FAM193A: variants seen among roughly 807,000 people sequenced by gnomAD.
FAM193A encodes the protein family with sequence similarity 193 member A, also known as protein FAM193A.
A neutral mutation model predicts 126.5 loss-of-function variants in FAM193A; 22 were observed. The observed-to-expected ratio is 0.17, with a 90% confidence interval of 0.12 to 0.25. The LOEUF is 0.25. FAM193A is among the 10% of genes least tolerant of loss of function. The pLI is 1.00. For synonymous variants in FAM193A, 761 were observed against 646.8 expected, an observed-to-expected ratio of 1.18 and a Z score of -2.68; for missense variants, 1,675 against 1,672.8, an observed-to-expected ratio of 1.00 and a Z score of -0.02.
In FAM193A at chr4:2,660,062, G is replaced by A. The variant is rs754056839; in HGVS notation, c.1745+8G>A. 6.2e-6 allele frequency: 10 copies of A among 1,612,514 alleles called. No individual in the cohort carries two copies. Among genetic ancestry groups the A allele is most frequent in the Non-Finnish European group, 8.5e-6 (10 of 1,178,748 alleles). ...TGGCTCGGCACCAACTTTGTAAGTT[G>A]TGACTTTGTAATAAAGTTTCCGAAA... On this transcript the variant is annotated splice_region_variant and intron_variant, in intron 10 of 20. Coordinates refer to ENST00000637812, the MANE Select transcript of FAM193A (RefSeq NM_001366318.2).
rs184572256 is a variant in FAM193A at position 2,673,795 on chromosome 4, A to C, written c.2331+1423A>C. On this transcript the variant is annotated intron_variant, in intron 13 of 20. Transcript: ENST00000637812. The stretch of plus-strand genomic sequence containing the variant: ...AGCTATTCAAGAATTAGTTCCGAAA[A>C]ATAAGTAAGATAGTAAAATTGATTA... Among the ~76,000 whole-genome samples the C allele has an allele frequency of 1.9e-4, 29 of 152,318 alleles. No homozygotes were observed. In the East Asian group the frequency reaches 5.6e-3, roughly 29 times the overall value.
intron 1 of FAM193A, among the ~76,000 whole-genome samples, chr4:2,565,383 C>T (rs1410543504): frequency 1.3e-5 from 2 of 150,746 alleles, no homozygotes; most frequent in South Asian, 2.1e-4. Context: ...CTTCAGCCTC[C>T]GGAGTAGCTG....
At chr4:2,629,097 G>T (rs1332537310) in intron 4 of FAM193A, among the ~76,000 whole-genome samples, 3 of 151,822 alleles carry the variant, frequency 2.0e-5, no homozygotes, top group African/African-American at 7.3e-5. Context: ...AAAGTGCTGG[G>T]ATTATAGGCG....
chr4:2,653,322 T>C (rs1280649932), intron 7 of FAM193A, among the ~76,000 whole-genome samples: 1 of 152,366 alleles, frequency 6.6e-6, no homozygotes, highest in South Asian at 2.1e-4. Flanking sequence ...ACATGTTCTC[T>C]CTAGGGAGAA....
intron 7 of FAM193A, among the ~76,000 whole-genome samples, chr4:2,656,207 C>T (rs1056097615): frequency 2.0e-5 from 3 of 152,086 alleles, no homozygotes; most frequent in Non-Finnish European, 4.4e-5. Flanking sequence ...TGTGTTTTTG[C>T]AATTTTCAGG....
At chr4:2,673,868 CG>C (rs1054633088) in intron 13 of FAM193A, among the ~76,000 whole-genome samples, 1 of 152,094 alleles carries the variant, frequency 6.6e-6, no homozygotes, top group African/African-American at 2.4e-5. Context: ...ATTATTTTCC[CG>C]GGCTTTTGGC....
At chr4:2,597,949 G>C (rs1577056537) in intron 2 of FAM193A, among the ~76,000 whole-genome samples, 1 of 151,872 alleles carries the variant, frequency 6.6e-6, no homozygotes, top group Non-Finnish European at 1.5e-5. Context: ...CTGTCACCCA[G>C]GCTGGAGTGC....
In FAM193A at chr4:2,700,969, TAC is replaced by T. The variant is rs575265450; in HGVS notation, c.4372+427_4372+428del. Among the ~76,000 whole-genome samples, 443 of 150,634 alleles carry T rather than the reference TAC, an allele frequency of 2.9e-3. 3 individuals carry two copies. Among genetic ancestry groups the T allele is most frequent in the African/African-American group, 8.6e-3 (348 of 40,510 alleles). ...GACAGAGAGACTCCATCTCAAAAAA[TAC>T]ATATAGAGAGAGAGAGGATTTCTAC... On this transcript the variant is annotated intron_variant, in intron 19 of 20. Transcript: ENST00000637812.
chr4:2,616,658 C>T (rs988338764), intron 2 of FAM193A, among the ~76,000 whole-genome samples: 1 of 151,808 alleles, frequency 6.6e-6, no homozygotes, highest in Non-Finnish European at 1.5e-5. Flanking sequence ...CTTCCAGGTT[C>T]ACGCCATTCT....
intron 1 of FAM193A, among the ~76,000 whole-genome samples, chr4:2,589,162 C>T (rs1450300607): frequency 2.6e-5 from 4 of 152,146 alleles, no homozygotes; most frequent in Non-Finnish European, 4.4e-5. Context: ...ACTTAAAACA[C>T]GGCAACTACA....
intron 19 of FAM193A, among the ~76,000 whole-genome samples, chr4:2,700,759 G>A (rs1577233017): frequency 6.6e-6 from 1 of 152,062 alleles, no homozygotes; most frequent in South Asian, 2.1e-4. Context: ...TTAAGAGTTC[G>A]AGACCAGCTT....
At chr4:2,696,149 A>C in intron 17 of FAM193A, 1 of 489,032 alleles carries the variant, frequency 2.0e-6, no homozygotes, top group South Asian at 2.7e-5. Flanking sequence ...TTTTTCATGA[A>C]TATGTAAAAT....
chr4:2,576,516 T>C (rs1182247485), intron 1 of FAM193A, among the ~76,000 whole-genome samples: 1 of 152,180 alleles, frequency 6.6e-6, no homozygotes, highest in East Asian at 1.9e-4. Flanking sequence ...TGCACAATGA[T>C]TGTGCCTGTG....
rs386399069 is a variant in FAM193A, at chr4:2,594,820, CTTTTTTTTTTTT to C, written c.256-1249_256-1238del. On this transcript the variant is annotated intron_variant, in intron 1 of 20. Transcript: ENST00000637812. ...GTTTCTTTCTTTTTCTTTTCTTTTCCTTTTTTTTTTTTTTTTTTTTTTTTTTGAGACTTAGTC... is the reference window on the plus strand; with the variant it reads ...GTTTCTTTCTTTTTCTTTTCTTTTCCTTTTTTTTTTTTTTGAGACTTAGTC... 4.7e-4 allele frequency among the ~76,000 whole-genome samples: 29 copies of C among 62,232 alleles called. No individual in the cohort carries two copies. The East Asian group carries it at 0.011, about 23-fold the overall frequency. The allele number at this position is 62,232 out of a possible 152,430, so 40.8% of individuals were successfully genotyped here. A position where few individuals can be genotyped will look rare whatever the true frequency, so the allele number is the denominator to read the frequency against.
At position 2,547,418 on chromosome 4, in the gene FAM193A, A is replaced by G. The variant is rs529389057; in HGVS notation, c.255+10248A>G. On this transcript the variant is annotated intron_variant, in intron 1 of 20. Transcript: ENST00000637812. Reference sequence around the variant, plus strand: ...TCAAAAAATAATAATAACAATAATAATAATAATTCTTTTTGTGGAAATGGG... The same window carrying G: ...TCAAAAAATAATAATAACAATAATAGTAATAATTCTTTTTGTGGAAATGGG... Among the ~76,000 whole-genome samples the G allele has an allele frequency of 1.1e-4, 16 of 152,080 alleles. 1 individual carries two copies. The highest frequency in any genetic ancestry group is 8.5e-4 in the Admixed American group (13 of 15,248).
At chr4:2,604,121 G>A (rs1741385767) in intron 2 of FAM193A, among the ~76,000 whole-genome samples, 1 of 152,122 alleles carries the variant, frequency 6.6e-6, no homozygotes, top group Admixed American at 6.5e-5. Flanking sequence ...GAAATTACAG[G>A]GGTGAGCCAC....
At chr4:2,722,660 T>G (rs1006271175) in intron 20 of FAM193A, among the ~76,000 whole-genome samples, 1 of 152,154 alleles carries the variant, frequency 6.6e-6, no homozygotes, top group Middle Eastern at 3.4e-3. Context: ...CCTTCCAGTT[T>G]AGGGGAGTGA....
At chr4:2,538,696 T>G in intron 1 of FAM193A, among the ~76,000 whole-genome samples, 1 of 151,504 alleles carries the variant, frequency 6.6e-6, no homozygotes, top group Non-Finnish European at 1.5e-5. Context: ...CGGGGGGGGT[T>G]TGCCTGTGCA....
At chr4:2,645,504 C>A (rs897699966) in intron 6 of FAM193A, among the ~76,000 whole-genome samples, 1 of 151,928 alleles carries the variant, frequency 6.6e-6, no homozygotes, top group Non-Finnish European at 1.5e-5. Flanking sequence ...TTCCATCTTG[C>A]CATCTTTCTT....
Sources: gnomAD v4.1 joint callset for allele counts (sites outside exome capture counted in the v4.1 genomes callset) on GRCh38, gnomAD v4.1.1 for gene constraint, MANE v1.5 for transcripts, NCBI Gene and HGNC (gene_info 2026-07-23, HGNC 2026-07-21) for gene names.